The following CAMTA1 variants were observed in gnomAD, a reference collection of about 807,000 sequenced individuals.
CAMTA1 encodes calmodulin-binding transcription activator 1.
A neutral mutation model predicts 170.9 loss-of-function variants in CAMTA1; 27 were observed. The ratio of observed to expected loss-of-function variants is 0.16; its 90% CI spans 0.12 to 0.22. The LOEUF is 0.22. Ranked by LOEUF, CAMTA1 falls within the 10% of genes least tolerant of loss-of-function variation. CAMTA1 has a pLI of 1.00. For synonymous variants in CAMTA1, 833 were observed against 891.5 expected, an observed-to-expected ratio of 0.93 and a Z score of 1.17; for missense variants, 1,619 against 2,217.2, an observed-to-expected ratio of 0.73 and a Z score of 5.42.
Position 7,065,889 on chromosome 1 carries a change from G to A in CAMTA1, c.235-25415G>A, listed in dbSNP as rs1341973019. Among the ~76,000 whole-genome samples, 1 of 152,218 alleles carries A rather than the reference G, an allele frequency of 6.6e-6. No individual in the cohort carries two copies. The highest frequency in any genetic ancestry group is 1.5e-5 in the Non-Finnish European group (1 of 68,044). On this transcript the variant is annotated intron_variant, in intron 3 of 22. Transcript: ENST00000303635. The surrounding 1 kb of genome is among the most constrained non-coding windows in gnomAD (Gnocchi z 5.2). The stretch of plus-strand genomic sequence containing the variant: ...GAGTAAAGCAGTCTTAAGACTGGGT[G>A]TGAAATGGAGAAGAACGCAGCACTG...
chr1:7,568,252 GTCATCATCACCAAATCACCATCATCATCA>G (rs1557930761), intron 6 of CAMTA1, among the ~76,000 whole-genome samples: 2 of 101,722 alleles, frequency 2.0e-5, no homozygotes, highest in African/African-American at 8.9e-5. Flanking sequence ...CATCACCGTC[GTCATCATCACCAAATCACCATCATCATCA>G]TCATCATCAC....
At chr1:6,998,315 C>T (rs60700491) in intron 3 of CAMTA1, among the ~76,000 whole-genome samples, 23,401 of 152,178 alleles carry the variant, frequency 0.15, 2,024 homozygotes, top group South Asian at 0.25. Flanking sequence ...TCAGGTGATC[C>T]GCCCATCTCT....
At position 7,255,945 on chromosome 1, in the gene CAMTA1, G is replaced by A. The variant is rs576510943; in HGVS notation, c.438+6319G>A. Among the ~76,000 whole-genome samples, 5 of 152,330 alleles carry A rather than the reference G, an allele frequency of 3.3e-5. No homozygotes were observed. In the South Asian group the frequency reaches 6.2e-4, roughly 19 times the overall value. The stretch of plus-strand genomic sequence containing the variant: ...CTCCTGTCTGGCTTCAAGCCCTGCT[G>A]GTTGAGGTGTCTTAGTCTCATGACC... On this transcript the variant is annotated intron_variant, in intron 5 of 22. Coordinates refer to ENST00000303635, the MANE Select transcript of CAMTA1 (RefSeq NM_015215.4).
At chr1:6,968,384 C>T (rs926800742) in intron 3 of CAMTA1, among the ~76,000 whole-genome samples, 13 of 152,330 alleles carry the variant, frequency 8.5e-5, no homozygotes, top group South Asian at 2.1e-4. Flanking sequence ...ATAGCCCCCA[C>T]GGTGGAGATA....
intron 5 of CAMTA1, among the ~76,000 whole-genome samples, chr1:7,255,131 C>T (rs1667173366): frequency 6.6e-6 from 1 of 152,058 alleles, no homozygotes; most frequent in Non-Finnish European, 1.5e-5. Flanking sequence ...ATACCTGGGC[C>T]TGTCAGGGAG....
At chr1:7,517,357 T>C (rs2094300465) in intron 6 of CAMTA1, among the ~76,000 whole-genome samples, 1 of 152,192 alleles carries the variant, frequency 6.6e-6, no homozygotes, top group East Asian at 1.9e-4. Flanking sequence ...CACTTCTACC[T>C]GCAACCTTGG....
At chr1:7,703,869 G>A (rs1050446229) in intron 11 of CAMTA1, among the ~76,000 whole-genome samples, 1 of 152,120 alleles carries the variant, frequency 6.6e-6, no homozygotes, top group Non-Finnish European at 1.5e-5. Context: ...TTGTGGCCGG[G>A]GCGAGAGACC....
At chr1:6,958,513 G>C (rs1689853505) in intron 3 of CAMTA1, among the ~76,000 whole-genome samples, 1 of 152,196 alleles carries the variant, frequency 6.6e-6, no homozygotes. Context: ...GATTTCTGGA[G>C]CGCATCCCCA....
At chr1:7,254,999 G>A (rs1038850506) in intron 5 of CAMTA1, among the ~76,000 whole-genome samples, 5 of 152,318 alleles carry the variant, frequency 3.3e-5, no homozygotes, top group African/African-American at 7.2e-5. Context: ...CATACAATAC[G>A]TATTTCTACT....
chr1:7,385,117 T>C (rs1375810901), intron 5 of CAMTA1, among the ~76,000 whole-genome samples: 1 of 140,494 alleles, frequency 7.1e-6, no homozygotes, highest in South Asian at 2.2e-4. Context: ...TGAGACAGAG[T>C]CTCGCTCTGT....
chr1:6,925,615 T>C (rs1167896126), intron 3 of CAMTA1, among the ~76,000 whole-genome samples: 1 of 152,096 alleles, frequency 6.6e-6, no homozygotes, highest in Admixed American at 6.5e-5. Flanking sequence ...GTCTCTGCCC[T>C]CCAGCCACTC....
At chr1:6,850,772 C>G (rs1283859636) in intron 3 of CAMTA1, among the ~76,000 whole-genome samples, 1 of 152,160 alleles carries the variant, frequency 6.6e-6, no homozygotes, top group Non-Finnish European at 1.5e-5. Context: ...GACGGCTGAA[C>G]AGAGTTTTTG....
chr1:6,947,680 T>C (rs11586453), intron 3 of CAMTA1, among the ~76,000 whole-genome samples: 82,831 of 151,828 alleles, frequency 0.55, 23,006 homozygotes, highest in Non-Finnish European at 0.61. Context: ...CCACCCCTGG[T>C]CTGTCTTTAA....
chr1:7,021,918 C>T (rs1338749668), intron 3 of CAMTA1, among the ~76,000 whole-genome samples: 2 of 152,158 alleles, frequency 1.3e-5, no homozygotes, highest in Middle Eastern at 3.2e-3. Context: ...CAGCCACCGC[C>T]GTTCAGTGAG....
chr1:7,120,567 C>T (rs1644583834), intron 4 of CAMTA1, among the ~76,000 whole-genome samples: 1 of 152,206 alleles, frequency 6.6e-6, no homozygotes, highest in Admixed American at 6.5e-5. Context: ...ATCCCATTGC[C>T]TTTGCCGTTC....
At position 7,234,497 on chromosome 1, in the gene CAMTA1, C is replaced by G. The variant is rs1663437500; in HGVS notation, c.303-14994C>G. 6.6e-6 allele frequency among the ~76,000 whole-genome samples: 1 copy of G among 152,226 alleles called. No individual in the cohort carries two copies. Among genetic ancestry groups the G allele is most frequent in the Non-Finnish European group, 1.5e-5 (1 of 68,036 alleles). On this transcript the variant is annotated intron_variant, in intron 4 of 22. Transcript: ENST00000303635. The surrounding 1 kb of genome is among the most constrained non-coding windows in gnomAD (Gnocchi z 5.0). The stretch of plus-strand genomic sequence containing the variant: ...TACCGGACTGCAAGCTGTGCAGAGG[C>G]AGGGCTGTGGCACCCTCAGCACCCG...
intron 1 of CAMTA1, among the ~76,000 whole-genome samples, chr1:6,794,128 C>G (rs1641872756): frequency 6.6e-6 from 1 of 152,182 alleles, no homozygotes; most frequent in Non-Finnish European, 1.5e-5. Context: ...TGAATCAACA[C>G]ATGCACACGT....
intron 5 of CAMTA1, among the ~76,000 whole-genome samples, chr1:7,425,149 A>G (rs560725650): frequency 6.6e-6 from 1 of 152,306 alleles, no homozygotes; most frequent in African/African-American, 2.4e-5. Context: ...TCACGTTTGT[A>G]AGGTCTCAAA....
chr1:7,580,739 G>A lies in CAMTA1; in HGVS notation c.511-59661G>A, dbSNP rs1050969677. 6.6e-5 allele frequency among the ~76,000 whole-genome samples: 10 copies of A among 152,078 alleles called. No individual in the cohort carries two copies. Among genetic ancestry groups the A allele is most frequent in the African/African-American group, 9.7e-5 (4 of 41,406 alleles). ...GGTCTTCCTGGATGGGCTGCCGGTCGGAGGGAACTTGGCATTTGACTCTGG... is the reference window on the plus strand; with the variant it reads ...GGTCTTCCTGGATGGGCTGCCGGTCAGAGGGAACTTGGCATTTGACTCTGG... On this transcript the variant is annotated intron_variant, in intron 6 of 22. Coordinates refer to ENST00000303635, the MANE Select transcript of CAMTA1 (RefSeq NM_015215.4). This position sits in a 1 kb window ranked among gnomAD's most constrained non-coding sequence, Gnocchi z 4.3.
Sources: gnomAD v4.1 joint callset for allele counts (sites outside exome capture counted in the v4.1 genomes callset) on GRCh38, gnomAD v4.1.1 for gene constraint, Gnocchi (gnomAD v3.1) non-coding constraint, MANE v1.5 for transcripts, NCBI Gene and HGNC (gene_info 2026-07-23, HGNC 2026-07-21) for gene names.